FAM178B: variants seen among roughly 807,000 people sequenced by gnomAD.
FAM178B encodes the protein family with sequence similarity 178 member B, also known as protein FAM178B.
In FAM178B, 82 loss-of-function variants were observed where a neutral mutation model predicts 91.7. The ratio of observed to expected loss-of-function variants is 0.89; its 90% CI spans 0.75 to 1.07. The LOEUF (loss-of-function observed/expected upper bound fraction) is 1.07, where lower values mean the gene tolerates loss of function less well. Ranked by LOEUF, FAM178B falls within the 50% of genes least tolerant of loss-of-function variation. The pLI, the probability that FAM178B is intolerant of heterozygous loss-of-function variation, is 0.00. For missense variants in FAM178B, 769 were observed against 846.7 expected, an observed-to-expected ratio of 0.91 and a Z score of 1.14; for synonymous variants, 368 against 359.4, an observed-to-expected ratio of 1.02 and a Z score of -0.27.
intron 1 of FAM178B, among the ~76,000 whole-genome samples, chr2:96,982,240 A>G (rs2082371691): frequency 6.6e-6 from 1 of 151,958 alleles, no homozygotes; most frequent in Non-Finnish European, 1.5e-5. Context: ...ATATATTCAT[A>G]TAGTATATGT....
chr2:96,951,532 C>T, intron 6 of FAM178B, 48 bp from the exon 7 acceptor site: 1 of 1,441,204 alleles, frequency 6.9e-7, no homozygotes, highest in Non-Finnish European at 9.6e-7. Flanking sequence ...TGCCAGCACA[C>T]TTGTCTCGGT....
chr2:96,964,341 A>C (rs1446186239), intron 5 of FAM178B, among the ~76,000 whole-genome samples: 1 of 152,212 alleles, frequency 6.6e-6, no homozygotes, highest in Admixed American at 6.5e-5. Context: ...GTTATCACTC[A>C]ACAGGCCTTT....
At chr2:96,921,329 C>T (rs1019142006) in intron 11 of FAM178B, 67 bp from the exon 12 acceptor site, 32 of 1,520,366 alleles carry the variant, frequency 2.1e-5, no homozygotes, top group Non-Finnish European at 2.9e-5. Context: ...CGCCACCCAG[C>T]CCGCACAGGG....
intron 6 of FAM178B, among the ~76,000 whole-genome samples, chr2:96,955,667 C>T (rs189242126): frequency 1.6e-3 from 246 of 152,182 alleles, no homozygotes; most frequent in Non-Finnish European, 3.1e-3. Context: ...GCAACAAGAG[C>T]GAAACTTCGT....
At chr2:96,933,413 C>G (rs1347797272) in intron 8 of FAM178B, among the ~76,000 whole-genome samples, 1 of 151,988 alleles carries the variant, frequency 6.6e-6, no homozygotes, top group African/African-American at 2.4e-5. Flanking sequence ...AATCATCAGG[C>G]CTAAAATAAA....
At position 96,921,532 on chromosome 2, in the gene FAM178B, G is replaced by A. The variant is rs947587305; in HGVS notation, c.1410C>T (p.Asp470=). 2 of 1,551,590 alleles carry A rather than the reference G, an allele frequency of 1.3e-6. No individual in the cohort carries two copies. The highest frequency in any genetic ancestry group is 2.7e-5 in the African/African-American group (2 of 73,052). ...DVGLRLLPKV[D]LQQLLLLLLE... ...GGAGCAAGAGGAGAAGCTGCTGGAGGTCAACTTTGGGCAGCAGGCGGAGCC... is the reference window on the plus strand; with the variant it reads ...GGAGCAAGAGGAGAAGCTGCTGGAGATCAACTTTGGGCAGCAGGCGGAGCC... Residue 470 remains aspartate, a synonymous_variant, in exon 11 of 17, where the codon GAC becomes GAT. Transcript: ENST00000490605.
intron 12 of FAM178B, among the ~76,000 whole-genome samples, chr2:96,912,821 G>A (rs989126641): frequency 6.6e-6 from 1 of 152,142 alleles, no homozygotes; most frequent in African/African-American, 2.4e-5. Flanking sequence ...TCTCCAGGTT[G>A]ACTGGGCCTT....
chr2:96,947,150 G>A (rs772606924), intron 8 of FAM178B, among the ~76,000 whole-genome samples: 6 of 152,180 alleles, frequency 3.9e-5, no homozygotes, highest in South Asian at 2.1e-4. Context: ...GTGCCAAAGT[G>A]TCTAGGTTCA....
chr2:96,909,047 G>T (rs1032327438), intron 12 of FAM178B, among the ~76,000 whole-genome samples: 2 of 151,258 alleles, frequency 1.3e-5, no homozygotes, highest in African/African-American at 4.9e-5. Context: ...GGAGGCTGAG[G>T]CAGGAGAATC....
At chr2:96,893,024 T>A (rs994722024) in intron 14 of FAM178B, among the ~76,000 whole-genome samples, 3 of 152,220 alleles carry the variant, frequency 2.0e-5, no homozygotes, top group Non-Finnish European at 4.4e-5. Flanking sequence ...GGGATTAGCA[T>A]ATCTCTTTAA....
intron 14 of FAM178B, among the ~76,000 whole-genome samples, chr2:96,885,227 T>C (rs1190611307): frequency 6.6e-6 from 1 of 152,234 alleles, no homozygotes; most frequent in African/African-American, 2.4e-5. Flanking sequence ...GGCCATTGAA[T>C]GGAAGTTTGC....
intron 12 of FAM178B, among the ~76,000 whole-genome samples, chr2:96,914,907 CTTATCTTTT>C (rs1559070052): frequency 1.3e-5 from 2 of 151,756 alleles, no homozygotes. Context: ...CCACCAAGAC[CTTATCTTTT>C]TAGAGACACG....
chr2:96,937,484 C>A (rs924937042), intron 8 of FAM178B, among the ~76,000 whole-genome samples: 1 of 152,126 alleles, frequency 6.6e-6, no homozygotes, highest in African/African-American at 2.4e-5. Flanking sequence ...GCTCCCCTCT[C>A]GCCGCACCTG....
intron 8 of FAM178B, among the ~76,000 whole-genome samples, chr2:96,930,599 T>G (rs572763551): frequency 6.6e-6 from 1 of 152,330 alleles, no homozygotes; most frequent in African/African-American, 2.4e-5. Context: ...ACAGGCCCCA[T>G]GCCTAAAAAC....
At chr2:96,983,622 A>T (rs1216722546) in intron 1 of FAM178B, among the ~76,000 whole-genome samples, 2 of 152,046 alleles carry the variant, frequency 1.3e-5, no homozygotes, top group African/African-American at 4.8e-5. Context: ...AAACAGTTTC[A>T]TTGTGTTGCC....
At chr2:96,976,221 G>A (rs946689447) in intron 1 of FAM178B, among the ~76,000 whole-genome samples, 3 of 151,664 alleles carry the variant, frequency 2.0e-5, no homozygotes, top group Non-Finnish European at 2.9e-5. Flanking sequence ...CAGCCTCCGA[G>A]TAGCTGGGAC....
At chr2:96,885,504 A>G (rs923834292) in intron 14 of FAM178B, among the ~76,000 whole-genome samples, 1 of 152,220 alleles carries the variant, frequency 6.6e-6, no homozygotes, top group Non-Finnish European at 1.5e-5. Context: ...TGTGGAGGCC[A>G]TGGCGCATGG....
chr2:96,878,187 C>T, intron 15 of FAM178B, 145 bp from the exon 16 acceptor site: 1 of 947,492 alleles, frequency 1.1e-6, no homozygotes, highest in South Asian at 1.5e-5. Context: ...GAGGATGGGG[C>T]CAGCACAACT....
chr2:96,879,460 T>G (rs1192092204), intron 14 of FAM178B, among the ~76,000 whole-genome samples: 1 of 152,218 alleles, frequency 6.6e-6, no homozygotes, highest in East Asian at 1.9e-4. Context: ...GCCCCAGCAA[T>G]GGCTGCAGCT....
Sources: allele counts gnomAD v4.1 joint callset (sites outside exome capture counted in the v4.1 genomes callset), GRCh38; gene constraint gnomAD v4.1.1; transcripts MANE v1.5; gene names NCBI Gene and HGNC (gene_info 2026-07-23, HGNC 2026-07-21).